The following ARHGAP8 variants were observed in gnomAD, a reference collection of about 807,000 sequenced individuals.
The protein encoded by ARHGAP8 is rho GTPase-activating protein 8.
Under a neutral mutation model 46.1 loss-of-function variants are expected in ARHGAP8, and 62 were observed. The ratio of observed to expected loss-of-function variants is 1.34; its 90% CI spans 1.10 to 1.66. ARHGAP8 has a LOEUF of 1.66. ARHGAP8 is among the 40% of genes most tolerant of loss of function. ARHGAP8 has a pLI of 0.00. For missense variants in ARHGAP8, 923 were observed against 568.4 expected (o/e 1.62, Z -6.34); for synonymous variants, 375 against 243.1 (o/e 1.54, Z -5.05).
rs773119467 is a variant in ARHGAP8, at chr22:44,862,597, GTTGCGAACACTCTGTATA to G, written c.*5_*22del. On this transcript the variant is annotated 3_prime_UTR_variant, in exon 12 of 12. Transcript: ENST00000356099. The stretch of plus-strand genomic sequence containing the variant: ...ATGGCAGCCAGAAGACGTCTCTAGT[GTTGCGAACACTCTGTATA>G]TTTCGAGCTACCTCCCACACCTGTC... The G allele has an allele frequency of 4.5e-6, 7 of 1,564,406 alleles. No individual in the cohort carries two copies. The highest frequency in any genetic ancestry group is 6.1e-6 in the Non-Finnish European group (7 of 1,151,820).
chr22:44,779,479 A>G (rs1450878989), intron 1 of ARHGAP8, among the ~76,000 whole-genome samples: 1 of 151,874 alleles, frequency 6.6e-6, no homozygotes, highest in Non-Finnish European at 1.5e-5. Flanking sequence ...TCCACCTGGC[A>G]TGTAACATCC....
rs118022073 is a variant in ARHGAP8 at position 44,860,507 on chromosome 22, G to A, written c.981+673G>A. 1.5e-3 allele frequency among the ~76,000 whole-genome samples: 232 copies of A among 150,780 alleles called. 7 individuals are homozygous for A. In the East Asian group the frequency reaches 0.039, roughly 25 times the overall value. ...CCCCTGCCATATGTCACTGGGTTTAGGACCCACCCAGATGACGCGGGATGA... is the reference window on the plus strand; with the variant it reads ...CCCCTGCCATATGTCACTGGGTTTAAGACCCACCCAGATGACGCGGGATGA... On this transcript the variant is annotated intron_variant, in intron 11 of 11. Transcript: ENST00000356099.
intron 7 of ARHGAP8, among the ~76,000 whole-genome samples, chr22:44,828,883 GT>G (rs1602235168): frequency 6.6e-6 from 1 of 152,016 alleles, no homozygotes; most frequent in African/African-American, 2.4e-5. Context: ...CCAGGGGTGG[GT>G]CTTTAGCTGG....
chr22:44,790,676 C>CAAAAAAAAAA (rs369579126), intron 2 of ARHGAP8, among the ~76,000 whole-genome samples: 5 of 49,606 alleles, frequency 1.0e-4, no homozygotes, highest in African/African-American at 2.9e-4. Context: ...AACTCTGTCT[C>CAAAAAAAAAA]AAAAAAAAAA....
rs1306250294 is a variant in ARHGAP8 at position 44,799,120 on chromosome 22, A to G, written c.80-2957A>G. Reference sequence around the variant, plus strand: ...GGAGATGAGCACCCTCACAGAAGCCAGGGCCTGGGCCCCTTTGTACAGCCC... The same window carrying G: ...GGAGATGAGCACCCTCACAGAAGCCGGGGCCTGGGCCCCTTTGTACAGCCC... On this transcript the variant is annotated intron_variant, in intron 2 of 11. Coordinates refer to ENST00000356099, the MANE Select transcript of ARHGAP8 (RefSeq NM_181335.3). Among the ~76,000 whole-genome samples the G allele has an allele frequency of 2.0e-5, 3 of 152,218 alleles. No individual in the cohort carries two copies. In the East Asian group the frequency reaches 5.8e-4, roughly 29 times the overall value.
At chr22:44,798,527 G>T (rs977188528) in intron 2 of ARHGAP8, among the ~76,000 whole-genome samples, 23 of 83,498 alleles carry the variant, frequency 2.8e-4, no homozygotes, top group African/African-American at 9.1e-4. Flanking sequence ...AGGGGGACTT[G>T]CGTTTTTTTT....
At chr22:44,787,940 T>C (rs909530250) in intron 2 of ARHGAP8, among the ~76,000 whole-genome samples, 1,752 of 118,100 alleles carry the variant, frequency 0.015, 43 homozygotes, top group Admixed American at 0.059. Context: ...TTTTTTTTTT[T>C]CCCCCCAAAT....
chr22:44,753,705 G>A (rs132434), intron 1 of ARHGAP8, among the ~76,000 whole-genome samples: 35,343 of 151,780 alleles, frequency 0.23, 4,406 homozygotes, highest in South Asian at 0.41. Context: ...TGAAGGCCCC[G>A]GAGAAGGAAC....
chr22:44,784,859 T>C (rs1014207621), intron 1 of ARHGAP8, among the ~76,000 whole-genome samples: 1 of 152,180 alleles, frequency 6.6e-6, no homozygotes, highest in African/African-American at 2.4e-5. Flanking sequence ...AGGTACTCAA[T>C]GCATATTTGT....
At chr22:44,799,149 G>A (rs1054551153) in intron 2 of ARHGAP8, among the ~76,000 whole-genome samples, 11 of 152,196 alleles carry the variant, frequency 7.2e-5, no homozygotes, top group African/African-American at 2.2e-4. Context: ...ACAGCCCCCC[G>A]CCCCTGTGCT....
intron 7 of ARHGAP8, among the ~76,000 whole-genome samples, chr22:44,829,327 C>T (rs1215275995): frequency 6.6e-6 from 1 of 151,776 alleles, no homozygotes; most frequent in East Asian, 1.9e-4. Context: ...AAAAAACAAG[C>T]ATAGCTCACA....
chr22:44,780,277 A>C (rs1569141067), intron 1 of ARHGAP8, among the ~76,000 whole-genome samples: 1 of 152,190 alleles, frequency 6.6e-6, no homozygotes, highest in Non-Finnish European at 1.5e-5. Flanking sequence ...GGATCTCTTG[A>C]GCCCAGGAGG....
intron 1 of ARHGAP8, among the ~76,000 whole-genome samples, chr22:44,769,286 G>A (rs889407973): frequency 2.0e-5 from 3 of 152,166 alleles, no homozygotes; most frequent in Admixed American, 2.0e-4. Flanking sequence ...CATATATGTG[G>A]TCTATTCGAG....
rs200143785 is a variant in ARHGAP8, at chr22:44,862,385, G to C, written c.1092G>C (p.Val364=). The C allele has an allele frequency of 6.2e-7, 1 of 1,614,116 alleles. No individual in the cohort carries two copies. Among genetic ancestry groups the C allele is most frequent in the Non-Finnish European group, 8.5e-7 (1 of 1,180,002 alleles). The change falls in exon 12 of 12, where the codon GTG becomes GTC. Residue 364 remains valine, a synonymous_variant. Coordinates refer to ENST00000356099, the MANE Select transcript of ARHGAP8 (RefSeq NM_181335.3). ...SQGVSSLSAL[V]PLNMFTELLI... is the part of the protein sequence containing the mutation. ...GGGTCTCCTCCCTGAGTGCCCTTGTGCCCCTGAACATGTTCACTGAACTGC... is the reference window on the plus strand; with the variant it reads ...GGGTCTCCTCCCTGAGTGCCCTTGTCCCCCTGAACATGTTCACTGAACTGC...
In ARHGAP8 at chr22:44,862,602, G is replaced by A. The variant is rs372845815; in HGVS notation, c.*7G>A. On this transcript the variant is annotated 3_prime_UTR_variant, in exon 12 of 12. Transcript: ENST00000356099. Reference sequence around the variant, plus strand: ...AGCCAGAAGACGTCTCTAGTGTTGCGAACACTCTGTATATTTCGAGCTACC... The same window carrying A: ...AGCCAGAAGACGTCTCTAGTGTTGCAAACACTCTGTATATTTCGAGCTACC... 182 of 1,554,674 alleles carry A rather than the reference G, an allele frequency of 1.2e-4. 2 individuals carry two copies. Among genetic ancestry groups the A allele is most frequent in the East Asian group, 1.9e-4 (8 of 41,684 alleles).
intron 5 of ARHGAP8, among the ~76,000 whole-genome samples, chr22:44,819,472 G>C (rs1405260757): frequency 6.6e-6 from 1 of 152,198 alleles, no homozygotes; most frequent in Admixed American, 6.5e-5. Flanking sequence ...AGGAGTTCGA[G>C]ACCAGCCTGG....
At chr22:44,805,382 G>C (rs1342711855) in intron 3 of ARHGAP8, among the ~76,000 whole-genome samples, 3 of 152,212 alleles carry the variant, frequency 2.0e-5, no homozygotes, top group African/African-American at 4.8e-5. Context: ...TGTAGAGAGG[G>C]GGTAATTGCA....
chr22:44,855,814 G>C (rs532104983), intron 10 of ARHGAP8, among the ~76,000 whole-genome samples: 2 of 152,124 alleles, frequency 1.3e-5, no homozygotes. Flanking sequence ...GTCAGCTGTC[G>C]CCGAGTCTGT....
chr22:44,799,969 CCACTTG>C (rs1928363080), intron 2 of ARHGAP8, among the ~76,000 whole-genome samples: 1 of 104,584 alleles, frequency 9.6e-6, no homozygotes, highest in Non-Finnish European at 2.0e-5. Context: ...CCTCTTCTGG[CCACTTG>C]TGGGGTGGGG....
Sources: allele counts gnomAD v4.1 joint callset (sites outside exome capture counted in the v4.1 genomes callset), GRCh38; gene constraint gnomAD v4.1.1; transcripts MANE v1.5; gene names NCBI Gene and HGNC (gene_info 2026-07-23, HGNC 2026-07-21).